The following CHST11 variants were observed in gnomAD, a reference collection of about 807,000 sequenced individuals.
The protein encoded by CHST11 is carbohydrate sulfotransferase 11, also known as C4S-1.
Under a neutral mutation model 30.4 loss-of-function variants are expected in CHST11, and 9 were observed. The ratio of observed to expected loss-of-function variants is 0.30; its 90% CI spans 0.18 to 0.52. CHST11 has a LOEUF of 0.52. CHST11 is among the 20% of genes least tolerant of loss of function. The pLI is 0.97. For missense variants in CHST11, 348 were observed against 460.6 expected (o/e 0.76, Z 2.24); for synonymous variants, 152 against 187.8 (o/e 0.81, Z 1.56).
In CHST11 at chr12:104,760,545, C is replaced by T. The variant is rs1350955195; in HGVS notation, c.*2742C>T. The T allele has an allele frequency of 1.3e-5, 2 of 152,216 alleles. No homozygotes were observed. Among genetic ancestry groups the T allele is most frequent in the East Asian group, 3.8e-4 (2 of 5,198 alleles). The allele number at this position is 152,216 out of a possible 1,614,324, so 9.4% of individuals were successfully genotyped here. On this transcript the variant is annotated 3_prime_UTR_variant, in exon 3 of 3. Coordinates refer to ENST00000303694, the MANE Select transcript of CHST11 (RefSeq NM_018413.6). ...CTTCTTCAGTTTCATAGTTTGGAAT[C>T]GTTCACTGTGTGCTTTTTGGGGGGT...
intron 2 of CHST11, among the ~76,000 whole-genome samples, chr12:104,647,153 A>C (rs553695379): frequency 3.0e-4 from 46 of 152,318 alleles, no homozygotes; most frequent in African/African-American, 1.0e-3. Context: ...ATGATGCTGC[A>C]AGTGGAGGCT....
At chr12:104,546,306 CAA>C (rs1213013825) in intron 1 of CHST11, among the ~76,000 whole-genome samples, 1 of 137,226 alleles carries the variant, frequency 7.3e-6, no homozygotes, top group Non-Finnish European at 1.6e-5. Flanking sequence ...CCCATCTCTA[CAA>C]AAAAAAAAAA....
intron 2 of CHST11, among the ~76,000 whole-genome samples, chr12:104,695,450 T>A (rs1468851238): frequency 1.7e-5 from 2 of 114,320 alleles, no homozygotes; most frequent in East Asian, 3.3e-4. Flanking sequence ...ACAATGAGTG[T>A]GTGTGTGTGT....
intron 2 of CHST11, among the ~76,000 whole-genome samples, chr12:104,616,526 C>T (rs940805897): frequency 4.6e-5 from 7 of 150,732 alleles, no homozygotes; most frequent in Admixed American, 1.3e-4. Flanking sequence ...AGTGCAGTGG[C>T]GCAATCTTGG....
rs986680021 is a variant in CHST11 at position 104,594,217 on chromosome 12, C to A, written c.119-7689C>A. The stretch of plus-strand genomic sequence containing the variant: ...TGTGATCTCCAGCCCTGCTTTGGGA[C>A]CTCTGGCCATTCTGTCCCCACACTG... On this transcript the variant is annotated intron_variant, in intron 1 of 2. Transcript: ENST00000303694. 2.6e-5 allele frequency among the ~76,000 whole-genome samples: 4 copies of A among 152,132 alleles called. No individual in the cohort carries two copies. The East Asian group carries it at 7.7e-4, about 29-fold the overall frequency.
At chr12:104,590,013 TTAAA>T (rs111573363) in intron 1 of CHST11, among the ~76,000 whole-genome samples, 55 of 151,256 alleles carry the variant, frequency 3.6e-4, no homozygotes, top group South Asian at 6.3e-4. Context: ...TGTCTCAAAA[TTAAA>T]TAAATAAATA....
intron 2 of CHST11, among the ~76,000 whole-genome samples, chr12:104,696,529 A>C (rs1035398239): frequency 6.8e-6 from 1 of 147,384 alleles, no homozygotes; most frequent in African/African-American, 2.5e-5. Context: ...GTGGTGGTGC[A>C]CACCTGTACA....
intron 1 of CHST11, among the ~76,000 whole-genome samples, chr12:104,596,931 GGT>G (rs1218151797): frequency 6.6e-6 from 1 of 152,270 alleles, no homozygotes; most frequent in Middle Eastern, 3.4e-3. Context: ...GAATGTCTTT[GGT>G]TTTAGGACAT....
chr12:104,628,881 A>G (rs2039244790), intron 2 of CHST11, among the ~76,000 whole-genome samples: 1 of 152,068 alleles, frequency 6.6e-6, no homozygotes, highest in Non-Finnish European at 1.5e-5. Context: ...TTATTTATTT[A>G]TTGCTGTCTT....
At chr12:104,690,243 G>A (rs1398124691) in intron 2 of CHST11, among the ~76,000 whole-genome samples, 2 of 152,180 alleles carry the variant, frequency 1.3e-5, no homozygotes, top group African/African-American at 4.8e-5. Flanking sequence ...TGGAGTTGAC[G>A]GAAAGAATTG....
At chr12:104,662,123 C>T (rs1237813766) in intron 2 of CHST11, among the ~76,000 whole-genome samples, 1 of 152,164 alleles carries the variant, frequency 6.6e-6, no homozygotes, top group Non-Finnish European at 1.5e-5. Flanking sequence ...AGGCACCTGG[C>T]ACATAGTAGG....
chr12:104,630,770 A>G (rs1185592510), intron 2 of CHST11, among the ~76,000 whole-genome samples: 1 of 152,220 alleles, frequency 6.6e-6, no homozygotes, highest in African/African-American at 2.4e-5. Flanking sequence ...CTCTCTGGAA[A>G]GCTTTGAAAT....
At chr12:104,501,684 A>G (rs1021500842) in intron 1 of CHST11, among the ~76,000 whole-genome samples, 5 of 152,232 alleles carry the variant, frequency 3.3e-5, no homozygotes, top group Admixed American at 1.3e-4. Context: ...ATTTATAGTC[A>G]GCCTGGAGAA....
intron 1 of CHST11, among the ~76,000 whole-genome samples, chr12:104,497,917 T>C (rs1434939274): frequency 4.1e-4 from 55 of 134,648 alleles, no homozygotes; most frequent in African/African-American, 1.5e-3. Flanking sequence ...CTCTTTTTTT[T>C]TTTTTTTTTT....
intron 2 of CHST11, among the ~76,000 whole-genome samples, chr12:104,643,723 G>T (rs1340237574): frequency 1.3e-5 from 2 of 151,592 alleles, no homozygotes; most frequent in African/African-American, 4.9e-5. Flanking sequence ...AAATTCCTTT[G>T]CCTGGAATGG....
intron 1 of CHST11, among the ~76,000 whole-genome samples, chr12:104,590,909 G>A (rs2038851344): frequency 2.0e-5 from 3 of 151,924 alleles, no homozygotes; most frequent in Non-Finnish European, 2.9e-5. Context: ...GTGAGAGAAC[G>A]AGACCCTGTC....
At chr12:104,743,059 A>G (rs184841973) in intron 2 of CHST11, among the ~76,000 whole-genome samples, 2 of 152,330 alleles carry the variant, frequency 1.3e-5, no homozygotes, top group East Asian at 3.9e-4. Context: ...GACCCGAACA[A>G]TCCCTGCTGT....
intron 2 of CHST11, among the ~76,000 whole-genome samples, chr12:104,609,251 T>G (rs1269387203): frequency 6.6e-6 from 1 of 152,222 alleles, no homozygotes; most frequent in Non-Finnish European, 1.5e-5. Context: ...CAAAGAGGGA[T>G]TAATTGATTT....
At chr12:104,748,549 G>A (rs148071357) in intron 2 of CHST11, among the ~76,000 whole-genome samples, 2 of 151,852 alleles carry the variant, frequency 1.3e-5, no homozygotes, top group Non-Finnish European at 2.9e-5. Flanking sequence ...GGGCTGGAGG[G>A]GGGAGGGGGG....
Sources: allele counts gnomAD v4.1 joint callset (sites outside exome capture counted in the v4.1 genomes callset), GRCh38; gene constraint gnomAD v4.1.1; transcripts MANE v1.5; gene names NCBI Gene and HGNC (gene_info 2026-07-23, HGNC 2026-07-21).